The following ADAMTSL3 variants were observed in gnomAD, a reference collection of about 807,000 sequenced individuals.
ADAMTSL3 encodes ADAMTS-like protein 3.
In ADAMTSL3, 128 loss-of-function variants were observed where a neutral mutation model predicts 201.7. The ratio of observed to expected loss-of-function variants is 0.63; its 90% CI spans 0.55 to 0.73. ADAMTSL3 has a LOEUF of 0.73. Among genes scored for constraint, ADAMTSL3 ranks in the 30% least tolerant of loss-of-function variants. The pLI, the probability that ADAMTSL3 is intolerant of heterozygous loss-of-function variation, is 0.00. For synonymous variants in ADAMTSL3, 738 were observed against 748.4 expected, an observed-to-expected ratio of 0.99 and a Z score of 0.23; for missense variants, 1,990 against 2,119.6, an observed-to-expected ratio of 0.94 and a Z score of 1.20.
At chr15:83,822,665 C>G (rs1481227620) in intron 6 of ADAMTSL3, among the ~76,000 whole-genome samples, 1 of 151,284 alleles carries the variant, frequency 6.6e-6, no homozygotes, top group African/African-American at 2.4e-5. Flanking sequence ...CTCCTCACTT[C>G]CTAGATGGGA....
intron 8 of ADAMTSL3, among the ~76,000 whole-genome samples, chr15:83,867,800 T>C (rs2065007408): frequency 2.0e-5 from 3 of 152,200 alleles, no homozygotes. Context: ...GACCCTGCCT[T>C]TTTTGAAAGA....
chr15:83,719,728 T>C (rs937928764), intron 3 of ADAMTSL3, among the ~76,000 whole-genome samples: 3 of 152,132 alleles, frequency 2.0e-5, no homozygotes, highest in African/African-American at 2.4e-5. Flanking sequence ...AAATCTTGCA[T>C]AGTAAAAGGT....
At chr15:83,935,595 T>G (rs993776244) in intron 17 of ADAMTSL3, among the ~76,000 whole-genome samples, 9 of 151,898 alleles carry the variant, frequency 5.9e-5, no homozygotes, top group Admixed American at 1.3e-4. Context: ...ACTTTAGAAC[T>G]CTAAAGACAA....
chr15:83,750,334 C>A (rs938975418), intron 3 of ADAMTSL3, among the ~76,000 whole-genome samples: 2 of 152,170 alleles, frequency 1.3e-5, no homozygotes. Context: ...TTAACCCTGG[C>A]AGTAAAGAAA....
At chr15:83,915,520 C>T (rs2066019028) in intron 16 of ADAMTSL3, among the ~76,000 whole-genome samples, 2 of 150,536 alleles carry the variant, frequency 1.3e-5, no homozygotes, top group African/African-American at 4.9e-5. Context: ...TCAGTAACAG[C>T]TTTATCGAGA....
At chr15:83,889,634 T>G (rs2065464750) in intron 10 of ADAMTSL3, among the ~76,000 whole-genome samples, 1 of 151,934 alleles carries the variant, frequency 6.6e-6, no homozygotes, top group Non-Finnish European at 1.5e-5. Flanking sequence ...AGAAGAGAGA[T>G]TATACGGAAA....
At chr15:83,774,559 C>T (rs549042148) in intron 4 of ADAMTSL3, among the ~76,000 whole-genome samples, 12 of 152,224 alleles carry the variant, frequency 7.9e-5, no homozygotes, top group African/African-American at 2.6e-4. Flanking sequence ...TCCAGGAAGG[C>T]CTGGGAAGGT....
chr15:83,790,960 T>C (rs1005010197), intron 4 of ADAMTSL3, among the ~76,000 whole-genome samples: 1 of 152,170 alleles, frequency 6.6e-6, no homozygotes, highest in Non-Finnish European at 1.5e-5. Context: ...GTATAGGACT[T>C]GTACGCCTAA....
In ADAMTSL3 at chr15:83,923,982, A is replaced by G; in HGVS notation, c.2066A>G (p.His689Arg). 2 of 1,614,058 alleles carry G rather than the reference A, an allele frequency of 1.2e-6. No homozygotes were observed. Among genetic ancestry groups the G allele is most frequent in the Admixed American group, 1.7e-5 (1 of 60,010 alleles). Residue 689 changes from histidine to arginine, a missense_variant, in exon 17 of 30, where the codon CAC becomes CGC. By Grantham distance (29) the His-to-Arg change is conservative (BLOSUM62 0). Transcript: ENST00000286744. ...AATGACAGCTTGTGTGATATGGTCCACCGTCCTCCAGCCATGAGCCAGGCC... is the reference window on the plus strand; with the variant it reads ...AATGACAGCTTGTGTGATATGGTCCGCCGTCCTCCAGCCATGAGCCAGGCC... ...TVNDSLCDMVHRPPAMSQACN... is the reference protein window; with the variant it reads ...TVNDSLCDMVRRPPAMSQACN...
At chr15:83,913,009 G>A (rs1029016416) in intron 15 of ADAMTSL3, 83 bp from the exon 16 acceptor site, 221 of 1,461,874 alleles carry the variant, frequency 1.5e-4, no homozygotes, top group Non-Finnish European at 2.0e-4. Context: ...TTTTGCCTTC[G>A]TTGAATGTGT....
chr15:83,859,573 C>T (rs879666256), intron 8 of ADAMTSL3, among the ~76,000 whole-genome samples: 15 of 152,120 alleles, frequency 9.9e-5, no homozygotes, highest in Non-Finnish European at 2.1e-4. Context: ...TGTTTTAATC[C>T]ACTATTACCT....
intron 4 of ADAMTSL3, among the ~76,000 whole-genome samples, chr15:83,779,762 C>T (rs975194243): frequency 7.3e-6 from 1 of 136,508 alleles, no homozygotes; most frequent in East Asian, 2.1e-4. Context: ...AATTAGAAAA[C>T]AAGACTAAAA....
chr15:83,816,139 T>C (rs190146755), intron 5 of ADAMTSL3, among the ~76,000 whole-genome samples: 30 of 152,368 alleles, frequency 2.0e-4, no homozygotes, highest in Admixed American at 9.8e-4. Context: ...AAATGCATAG[T>C]TTACTGTCTT....
intron 23 of ADAMTSL3, among the ~76,000 whole-genome samples, chr15:84,008,909 T>A (rs1596530917): frequency 6.6e-6 from 1 of 152,062 alleles, no homozygotes; most frequent in South Asian, 2.1e-4. Flanking sequence ...CTGGAGTCGG[T>A]TTTTACTCGC....
In ADAMTSL3 at chr15:83,894,887, T is replaced by C. The variant is rs2065581421; in HGVS notation, c.1467+1999T>C. Among the ~76,000 whole-genome samples the C allele has an allele frequency of 2.0e-5, 3 of 152,312 alleles. No individual in the cohort carries two copies. In the South Asian group the frequency reaches 6.2e-4, roughly 32 times the overall value. On this transcript the variant is annotated intron_variant, in intron 13 of 29. Transcript: ENST00000286744. ...CATAAAAATTACATTTTCATTTGAA[T>C]ACACACTTAGTTCATCGTGTACATG...
chr15:83,991,125 A>G lies in ADAMTSL3; in HGVS notation c.3884A>G (p.Lys1295Arg), dbSNP rs757008873. The G allele has an allele frequency of 3.1e-6, 5 of 1,614,088 alleles. No individual in the cohort carries two copies. Among genetic ancestry groups the G allele is most frequent in the Non-Finnish European group, 3.4e-6 (4 of 1,180,032 alleles). Residue 1295 changes from lysine to arginine, a missense_variant, in exon 23 of 30, where the codon AAA becomes AGA. Transcript: ENST00000286744. ...TTGTCTGTTGAAAGAAATATCACCA[A>G]ACCAGAGCACAACCATCTGTCTGTT... ...VILSVERNIT[K>R]PEHNHLSVVV... is the part of the protein sequence containing the mutation.
chr15:83,966,094 T>C (rs183492536), intron 19 of ADAMTSL3, among the ~76,000 whole-genome samples: 8 of 152,222 alleles, frequency 5.3e-5, no homozygotes, highest in Admixed American at 4.6e-4. Flanking sequence ...AAGTCTAAAA[T>C]TGACACCCTA....
At chr15:83,728,225 C>T in intron 3 of ADAMTSL3, among the ~76,000 whole-genome samples, 1 of 150,968 alleles carries the variant, frequency 6.6e-6, no homozygotes, top group Non-Finnish European at 1.5e-5. Context: ...TTTTTCATCC[C>T]TTTTTTTCAG....
intron 20 of ADAMTSL3, among the ~76,000 whole-genome samples, chr15:83,979,468 A>G (rs1340671150): frequency 6.6e-6 from 1 of 152,224 alleles, no homozygotes; most frequent in Non-Finnish European, 1.5e-5. Flanking sequence ...ATAACATGCA[A>G]TCCAATTAGT....
Sources: gnomAD v4.1 joint callset for allele counts (sites outside exome capture counted in the v4.1 genomes callset) on GRCh38, gnomAD v4.1.1 for gene constraint, MANE v1.5 for transcripts, NCBI Gene and HGNC (gene_info 2026-07-23, HGNC 2026-07-21) for gene names.